Variants in RIT2 observed in about 807,000 individuals in gnomAD.
RIT2 encodes GTP-binding protein Rit2.
A neutral mutation model predicts 23.7 loss-of-function variants in RIT2; 24 were observed. The observed-to-expected ratio is 1.01, with a 90% CI of 0.73 to 1.43. RIT2 has a LOEUF of 1.43. Among genes scored for constraint, RIT2 ranks in the 40% most tolerant of loss-of-function variants. The pLI, the probability that RIT2 is intolerant of heterozygous loss-of-function variation, is 0.00. For missense variants in RIT2, 236 were observed against 266.9 expected, an observed-to-expected ratio of 0.88 and a Z score of 0.81; for synonymous variants, 107 against 91.1, an observed-to-expected ratio of 1.17 and a Z score of -0.99.
At chr18:42,940,171 G>A (rs1471921936) in intron 3 of RIT2, among the ~76,000 whole-genome samples, 1 of 143,824 alleles carries the variant, frequency 7.0e-6, no homozygotes, top group South Asian at 2.2e-4. Context: ...CAGTTTAAAT[G>A]CTGCAGGTCA....
chr18:42,786,820 G>A (rs866507264), intron 4 of RIT2, among the ~76,000 whole-genome samples: 2 of 152,022 alleles, frequency 1.3e-5, no homozygotes, highest in Non-Finnish European at 2.9e-5. Context: ...CGTTTGTTCA[G>A]ATCCAGTCTT....
At chr18:43,114,431 T>C (rs1197363739) in intron 1 of RIT2, among the ~76,000 whole-genome samples, 1 of 152,114 alleles carries the variant, frequency 6.6e-6, no homozygotes, top group African/African-American at 2.4e-5. Flanking sequence ...CTGCCGAAAA[T>C]ATTGTCTTCG....
intron 4 of RIT2, among the ~76,000 whole-genome samples, chr18:42,831,876 T>C (rs1226260022): frequency 6.6e-6 from 1 of 152,172 alleles, no homozygotes; most frequent in Non-Finnish European, 1.5e-5. Context: ...CTGCTAGCCC[T>C]CCAGGCCTTG....
intron 2 of RIT2, among the ~76,000 whole-genome samples, chr18:43,013,131 G>T (rs914334321): frequency 4.0e-5 from 6 of 151,744 alleles, no homozygotes; most frequent in African/African-American, 1.2e-4. Context: ...TCTGTACAAG[G>T]CACAGTTGAG....
At chr18:43,089,952 G>A (rs1913381985) in intron 1 of RIT2, among the ~76,000 whole-genome samples, 1 of 152,024 alleles carries the variant, frequency 6.6e-6, no homozygotes, top group African/African-American at 2.4e-5. Context: ...GACAACCTAG[G>A]CAATACTATC....
chr18:43,107,064 C>T (rs1161414132), intron 1 of RIT2, among the ~76,000 whole-genome samples: 1 of 152,096 alleles, frequency 6.6e-6, no homozygotes, highest in Non-Finnish European at 1.5e-5. Flanking sequence ...AGTCGCAATC[C>T]CACCACACTG....
intron 2 of RIT2, among the ~76,000 whole-genome samples, chr18:42,995,368 A>G (rs1409044397): frequency 6.6e-6 from 1 of 151,980 alleles, no homozygotes; most frequent in Non-Finnish European, 1.5e-5. Flanking sequence ...CAGATAACTA[A>G]AGTACCTCTT....
At chr18:42,947,816 T>C (rs1039533652) in intron 3 of RIT2, among the ~76,000 whole-genome samples, 5 of 152,162 alleles carry the variant, frequency 3.3e-5, no homozygotes, top group African/African-American at 9.6e-5. Flanking sequence ...ATGTTCATAG[T>C]AGCTGTATAT....
chr18:42,992,732 G>C (rs868858268), intron 2 of RIT2, among the ~76,000 whole-genome samples: 1 of 152,060 alleles, frequency 6.6e-6, no homozygotes. Context: ...CAAGGTTAAT[G>C]CTCCTTTTTC....
chr18:42,793,672 T>C lies in RIT2; in HGVS notation c.427-49952A>G, dbSNP rs774443013. ...GACCTGGGCATTCCAAATTTAGAAG[T>C]TGGACAGATAAAGAGAACCCAAAGG... On this transcript the variant is annotated intron_variant, in intron 4 of 4. Coordinates refer to ENST00000326695, the MANE Select transcript of RIT2 (RefSeq NM_002930.4). 8.5e-5 allele frequency among the ~76,000 whole-genome samples: 13 copies of C among 152,142 alleles called. No individual in the cohort carries two copies. The East Asian group carries it at 2.3e-3, about 27-fold the overall frequency.
chr18:42,902,518 A>T (rs1389666395), intron 4 of RIT2, among the ~76,000 whole-genome samples: 2 of 151,544 alleles, frequency 1.3e-5, no homozygotes, highest in Non-Finnish European at 3.0e-5. Flanking sequence ...ATTTACATAT[A>T]TTATTTTTTA....
At chr18:42,995,738 C>T (rs1037024360) in intron 2 of RIT2, among the ~76,000 whole-genome samples, 1 of 152,174 alleles carries the variant, frequency 6.6e-6, no homozygotes, top group Non-Finnish European at 1.5e-5. Flanking sequence ...TGGAATGCTA[C>T]AGGGTACAGC....
chr18:43,044,267 C>T (rs62092691), intron 1 of RIT2, among the ~76,000 whole-genome samples: 13,925 of 152,128 alleles, frequency 0.092, 714 homozygotes, highest in East Asian at 0.18. Context: ...GTATCCCGAT[C>T]CCACTTTAAT....
chr18:42,841,337 TAA>T (rs943833058), intron 4 of RIT2, among the ~76,000 whole-genome samples: 38 of 152,190 alleles, frequency 2.5e-4, no homozygotes, highest in Non-Finnish European at 1.0e-4. Context: ...TTAAACTAAA[TAA>T]AATTTGAGGC....
intron 1 of RIT2, among the ~76,000 whole-genome samples, chr18:43,047,597 G>T (rs1912278415): frequency 6.6e-6 from 1 of 151,954 alleles, no homozygotes; most frequent in South Asian, 2.1e-4. Context: ...AGAAAATCAA[G>T]TTAAAATAAA....
intron 4 of RIT2, among the ~76,000 whole-genome samples, chr18:42,857,234 C>T (rs898192425): frequency 6.6e-6 from 1 of 152,160 alleles, no homozygotes; most frequent in African/African-American, 2.4e-5. Context: ...CACAGCAAAA[C>T]ATTATGTGTC....
chr18:42,941,231 G>C (rs1909592531), intron 3 of RIT2, among the ~76,000 whole-genome samples: 1 of 152,108 alleles, frequency 6.6e-6, no homozygotes, highest in African/African-American at 2.4e-5. Flanking sequence ...AACAGCTACT[G>C]TCAAGGAAGA....
chr18:42,788,568 T>C (rs1056356131), intron 4 of RIT2, among the ~76,000 whole-genome samples: 6 of 152,204 alleles, frequency 3.9e-5, no homozygotes, highest in Admixed American at 2.6e-4. Flanking sequence ...ATGTATTTTA[T>C]TATGTAATTT....
chr18:43,082,251 A>AT (rs1037066449), intron 1 of RIT2, among the ~76,000 whole-genome samples: 2 of 152,012 alleles, frequency 1.3e-5, no homozygotes, highest in African/African-American at 4.8e-5. Flanking sequence ...CCCATTTATC[A>AT]TTTTTTTATT....
Sources: allele counts gnomAD v4.1 joint callset (sites outside exome capture counted in the v4.1 genomes callset), GRCh38; gene constraint gnomAD v4.1.1; transcripts MANE v1.5; gene names NCBI Gene and HGNC (gene_info 2026-07-23, HGNC 2026-07-21).